The following NOSTRIN variants were observed in gnomAD, a reference collection of about 807,000 sequenced individuals.
NOSTRIN encodes nitric oxide synthase trafficking.
In NOSTRIN, 63 loss-of-function variants were observed where a neutral mutation model predicts 59.0. The observed-to-expected ratio is 1.07, with a 90% CI of 0.87 to 1.32. The LOEUF (loss-of-function observed/expected upper bound fraction) is 1.32. Ranked by LOEUF, NOSTRIN falls within the 40% of genes most tolerant of loss-of-function variation. NOSTRIN has a pLI of 0.00. For missense variants in NOSTRIN, 512 were observed against 473.1 expected (o/e 1.08, Z -0.76); for synonymous variants, 200 against 165.4 (o/e 1.21, Z -1.61).
chr2:168,846,345 A>T (rs1022535814), intron 8 of NOSTRIN, among the ~76,000 whole-genome samples: 2 of 152,166 alleles, frequency 1.3e-5, no homozygotes, highest in African/African-American at 4.8e-5. Context: ...CTTCTGTACA[A>T]ATTGAATATA....
chr2:168,798,226 T>C (rs1320891080), upstream of NOSTRIN: 16 of 152,216 alleles, frequency 1.1e-4, no homozygotes, highest in Admixed American at 1.0e-3. Context: ...ACACGTGGTA[T>C]GTCCTTTAAA....
At chr2:168,842,057 G>A (rs1268110217) in intron 7 of NOSTRIN, among the ~76,000 whole-genome samples, 1 of 152,194 alleles carries the variant, frequency 6.6e-6, no homozygotes, top group East Asian at 1.9e-4. Context: ...AGTCAGACAA[G>A]GTAGGTCAGA....
intron 1 of NOSTRIN, among the ~76,000 whole-genome samples, chr2:168,804,722 T>C (rs1339541405): frequency 7.9e-5 from 12 of 152,180 alleles, no homozygotes; most frequent in Admixed American, 2.0e-4. Context: ...CACACCAATG[T>C]ACCCATGTAT....
upstream of NOSTRIN, chr2:168,798,267 C>T (rs745815222): frequency 6.6e-6 from 1 of 152,114 alleles, no homozygotes; most frequent in Non-Finnish European, 1.5e-5. Flanking sequence ...AAGTATTTAA[C>T]TAGGTCTCAA....
chr2:168,829,175 A>G (rs1255377655), intron 5 of NOSTRIN, among the ~76,000 whole-genome samples: 3 of 152,168 alleles, frequency 2.0e-5, no homozygotes, highest in South Asian at 4.1e-4. Flanking sequence ...TAATTAAACA[A>G]TCCTTTCAGG....
chr2:168,862,157 T>C (rs1689498323), intron 15 of NOSTRIN, 108 bp downstream of exon 15: 3 of 904,552 alleles, frequency 3.3e-6, no homozygotes, highest in Non-Finnish European at 3.5e-6. Context: ...CCATGTCAAA[T>C]CAGTTCACCC....
intron 2 of NOSTRIN, chr2:168,818,050 A>G (rs1686506265): frequency 6.1e-6 from 1 of 164,100 alleles, no homozygotes; most frequent in Non-Finnish European, 1.4e-5. Flanking sequence ...GTGATATCCC[A>G]ACAGAAGAAT....
chr2:168,834,509 A>ACACACACACACG (rs1553527220), intron 7 of NOSTRIN, among the ~76,000 whole-genome samples, 184 bp downstream of exon 7: 49 of 41,718 alleles, frequency 1.2e-3, no homozygotes, highest in South Asian at 7.2e-3. Context: ...GCGCGCGCGC[A>ACACACACACACG]CACACACACA....
At chr2:168,845,883 G>A (rs1040640572) in intron 8 of NOSTRIN, among the ~76,000 whole-genome samples, 2 of 131,834 alleles carry the variant, frequency 1.5e-5, no homozygotes, top group African/African-American at 5.9e-5. Context: ...CTCCCCTCTT[G>A]TATCCTGGAT....
rs1420103116 is a variant in NOSTRIN, at chr2:168,865,011, A to G, written c.*41A>G. 1.9e-6 allele frequency: 3 copies of G among 1,606,258 alleles called. No homozygotes were observed. Among genetic ancestry groups the G allele is most frequent in the Non-Finnish European group, 2.6e-6 (3 of 1,175,886 alleles). The stretch of plus-strand genomic sequence containing the variant: ...ATACTACCTTCACACTCGGTAATCA[A>G]CAATACAGTGTGGTTCAAATAAGAA... On this transcript the variant is annotated 3_prime_UTR_variant, in exon 16 of 16. Coordinates refer to ENST00000317647, the MANE Select transcript of NOSTRIN (RefSeq NM_001039724.4).
intron 14 of NOSTRIN, among the ~76,000 whole-genome samples, chr2:168,861,451 T>G (rs1456209702): frequency 2.0e-5 from 3 of 151,920 alleles, no homozygotes; most frequent in Non-Finnish European, 4.4e-5. Flanking sequence ...ACCATAATCT[T>G]GACTATCTAG....
chr2:168,800,453 A>G (rs148684222), upstream of NOSTRIN, among the ~76,000 whole-genome samples: 425 of 152,164 alleles, frequency 2.8e-3, 2 homozygotes, highest in Middle Eastern at 0.024. Context: ...CTCAGTCTGG[A>G]TTCAGCTGGG....
intron 3 of NOSTRIN, among the ~76,000 whole-genome samples, chr2:168,827,711 G>T (rs1187878473): frequency 2.0e-5 from 3 of 151,868 alleles, no homozygotes; most frequent in Non-Finnish European, 4.4e-5. Flanking sequence ...AGGACTATGG[G>T]CGTGCATCAC....
chr2:168,829,302 TTC>T (rs1303272314), intron 5 of NOSTRIN, among the ~76,000 whole-genome samples: 1 of 151,034 alleles, frequency 6.6e-6, no homozygotes, highest in Non-Finnish European at 1.5e-5. Context: ...TTCCTTCTCT[TTC>T]TTTTTTTTTC....
At chr2:168,855,638 C>CAAAAAAAAAAAAAAAAAAAAAGAAA in intron 11 of NOSTRIN, 178 bp downstream of exon 11, 2 of 115,542 alleles carry the variant, frequency 1.7e-5, no homozygotes, top group Admixed American at 1.1e-4. Context: ...AAAAGAAAGC[C>CAAAAAAAAAAAAAAAAAAAAAGAAA]AAAAAAAAAA....
At chr2:168,834,461 T>C in intron 7 of NOSTRIN, 136 bp downstream of exon 7, 1 of 565,686 alleles carries the variant, frequency 1.8e-6, no homozygotes, top group South Asian at 2.1e-5. Context: ...TGACAGAGCA[T>C]AAAAGGGGAT....
upstream of NOSTRIN, among the ~76,000 whole-genome samples, chr2:168,797,087 T>TTC (rs1574248640): frequency 7.7e-6 from 1 of 129,316 alleles, no homozygotes; most frequent in East Asian, 2.2e-4. Flanking sequence ...TTCTTTTTTT[T>TTC]TTTTTTTTTT....
chr2:168,814,326 G>A (rs1686292838), intron 2 of NOSTRIN, among the ~76,000 whole-genome samples: 1 of 152,186 alleles, frequency 6.6e-6, no homozygotes, highest in South Asian at 2.1e-4. Context: ...TCACAGCATG[G>A]CTGGGATTAC....
At chr2:168,842,953 A>C in intron 7 of NOSTRIN, 39 bp from the exon 8 acceptor site, 1 of 859,082 alleles carries the variant, frequency 1.2e-6, no homozygotes, top group Non-Finnish European at 2.0e-6. Flanking sequence ...GCTTTCAAAA[A>C]TGTGTTAGTA....
Sources: allele counts gnomAD v4.1 joint callset (sites outside exome capture counted in the v4.1 genomes callset), GRCh38; gene constraint gnomAD v4.1.1; transcripts MANE v1.5; gene names NCBI Gene and HGNC (gene_info 2026-07-23, HGNC 2026-07-21).